The following FSHR variants were observed in gnomAD, a reference collection of about 807,000 sequenced individuals.
FSHR encodes follicle-stimulating hormone receptor.
In FSHR, 46 loss-of-function variants were observed where a neutral mutation model predicts 52.1. That is an observed-to-expected ratio of 0.88 (90% CI 0.70 to 1.13). The LOEUF is 1.13. Among genes scored for constraint, FSHR ranks in the 50% most tolerant of loss-of-function variants. FSHR has a pLI of 0.00. For synonymous variants in FSHR, 399 were observed against 309.6 expected (o/e 1.29, Z -3.03); for missense variants, 964 against 834.6 (o/e 1.16, Z -1.91).
At chr2:48,985,358 C>G (rs1485089833) in intron 6 of FSHR, among the ~76,000 whole-genome samples, 1 of 152,190 alleles carries the variant, frequency 6.6e-6, no homozygotes, top group East Asian at 1.9e-4. Context: ...GACTGAGGAA[C>G]AGAGGAAACA....
At position 49,145,580 on chromosome 2, in the gene FSHR, G is replaced by A. The variant is rs1672841176; in HGVS notation, c.152+8686C>T. On this transcript the variant is annotated intron_variant, in intron 1 of 9. Transcript: ENST00000406846. ...CTCTCACAATCTATGATTTCAGATT[G>A]CACAAAGCAACATGCAATTAGTTGT... 2.0e-5 allele frequency among the ~76,000 whole-genome samples: 3 copies of A among 152,042 alleles called. No homozygotes were observed. In the South Asian group the frequency reaches 6.2e-4, roughly 31 times the overall value.
chr2:49,091,296 G>T (rs559441199), intron 1 of FSHR, among the ~76,000 whole-genome samples: 1 of 151,992 alleles, frequency 6.6e-6, no homozygotes, highest in Non-Finnish European at 1.5e-5. Flanking sequence ...ACGGTATGAG[G>T]TTTAGAACAT....
chr2:49,103,195 T>A (rs1159267443), intron 1 of FSHR, among the ~76,000 whole-genome samples: 1 of 152,084 alleles, frequency 6.6e-6, no homozygotes, highest in African/African-American at 2.4e-5. Context: ...ACGTCCTAGG[T>A]TTGGACATTA....
chr2:49,118,711 A>G (rs1261584875), intron 1 of FSHR, among the ~76,000 whole-genome samples: 1 of 152,212 alleles, frequency 6.6e-6, no homozygotes, highest in Non-Finnish European at 1.5e-5. Context: ...TTATATGCTC[A>G]TTAACATACC....
At chr2:49,103,621 G>C (rs1243792127) in intron 1 of FSHR, among the ~76,000 whole-genome samples, 2 of 152,070 alleles carry the variant, frequency 1.3e-5, no homozygotes, top group African/African-American at 2.4e-5. Context: ...GCCTCTAACG[G>C]CTGGCTCATT....
chr2:48,982,164 C>T (rs550502573), intron 8 of FSHR, among the ~76,000 whole-genome samples: 3 of 152,146 alleles, frequency 2.0e-5, no homozygotes, highest in Admixed American at 1.3e-4. Flanking sequence ...ATGAGAGCCA[C>T]GGGAAGAAGT....
At chr2:49,072,801 A>G (rs990279093) in intron 1 of FSHR, among the ~76,000 whole-genome samples, 3 of 151,752 alleles carry the variant, frequency 2.0e-5, no homozygotes, top group African/African-American at 7.3e-5. Flanking sequence ...CTCGATTTAT[A>G]ATTTCAACAC....
chr2:49,049,100 G>A (rs1363172836), intron 2 of FSHR, among the ~76,000 whole-genome samples: 2 of 151,750 alleles, frequency 1.3e-5, no homozygotes, highest in Non-Finnish European at 2.9e-5. Context: ...CCAGAGCAGA[G>A]CCACAAGGAT....
At chr2:49,121,884 T>A (rs2103781883) in intron 1 of FSHR, among the ~76,000 whole-genome samples, 1 of 152,242 alleles carries the variant, frequency 6.6e-6, no homozygotes, top group African/African-American at 2.4e-5. Context: ...AGGACAAAAA[T>A]AAACAAACAC....
At chr2:48,964,150 C>G (rs943297806) in intron 9 of FSHR, among the ~76,000 whole-genome samples, 184 bp from the exon 10 acceptor site, 2 of 151,618 alleles carry the variant, frequency 1.3e-5, no homozygotes, top group Non-Finnish European at 2.9e-5. Context: ...ATGAATATAA[C>G]AACTTGTATA....
At chr2:49,009,116 G>A (rs2104176236) in intron 4 of FSHR, among the ~76,000 whole-genome samples, 1 of 151,942 alleles carries the variant, frequency 6.6e-6, no homozygotes, top group South Asian at 2.1e-4. Flanking sequence ...CCTATGTCCT[G>A]AATGGTAATG....
chr2:49,076,852 C>G (rs774470013), intron 1 of FSHR, among the ~76,000 whole-genome samples: 1 of 152,182 alleles, frequency 6.6e-6, no homozygotes, highest in Non-Finnish European at 1.5e-5. Flanking sequence ...ACAGTCAAAT[C>G]TTTAAAACTC....
In FSHR at chr2:48,962,661, T is replaced by A; in HGVS notation, c.*72A>T. 6.9e-7 allele frequency: 1 copy of A among 1,452,724 alleles called. No homozygotes were observed. Among genetic ancestry groups the A allele is most frequent in the East Asian group, 2.3e-5 (1 of 43,954 alleles). The allele number at this position is 1,452,724 out of a possible 1,614,324, so 90.0% of individuals were successfully genotyped here. On this transcript the variant is annotated 3_prime_UTR_variant, in exon 10 of 10. Transcript: ENST00000406846. ...TGAAATGTGTAGAAGCACTGTCAGC[T>A]CTTTGTGACATACCCTTCAAAGGCA...
rs577040852 is a variant in FSHR at position 49,109,184 on chromosome 2, G to A, written c.153-40894C>T. On this transcript the variant is annotated intron_variant, in intron 1 of 9. Transcript: ENST00000406846. ...AGAAATTCCCTATCCAGAAAGATGA[G>A]CAGTGTGTTCTAGGCCAAGGGCAAA... Among the ~76,000 whole-genome samples the A allele has an allele frequency of 3.9e-5, 6 of 152,254 alleles. No homozygotes were observed. In the South Asian group the frequency reaches 1.0e-3, roughly 26 times the overall value.
chr2:49,064,173 A>G (rs370492209), intron 2 of FSHR, among the ~76,000 whole-genome samples: 1 of 152,030 alleles, frequency 6.6e-6, no homozygotes, highest in Non-Finnish European at 1.5e-5. Flanking sequence ...AAAATGGATG[A>G]GGGAGAGGGA....
rs549857460 is a variant in FSHR at position 48,996,423 on chromosome 2, C to T, written c.375-5786G>A. Reference sequence around the variant, plus strand: ...TTAGATTCCTATAAGCCTTTGGTGGCAACATTTTTGTCATGGCTTGATCAA... The same window carrying T: ...TTAGATTCCTATAAGCCTTTGGTGGTAACATTTTTGTCATGGCTTGATCAA... On this transcript the variant is annotated intron_variant, in intron 4 of 9. Transcript: ENST00000406846. Among the ~76,000 whole-genome samples, 129 of 152,186 alleles carry T rather than the reference C, an allele frequency of 8.5e-4. 2 individuals carry two copies. The South Asian group carries it at 0.026, about 31-fold the overall frequency.
chr2:49,142,256 A>C (rs1410812159), intron 1 of FSHR, among the ~76,000 whole-genome samples: 2 of 152,198 alleles, frequency 1.3e-5, no homozygotes, highest in African/African-American at 2.4e-5. Context: ...TAGTAAGTTT[A>C]TGTGCTATTA....
rs561853159 is a variant in FSHR, at chr2:49,058,420, G to A, written c.224+9799C>T. ...AAATTAGCCAGGCATGGTGGTGCAT[G>A]CCTGTAGTCCCAGCTACTTGGGAGG... On this transcript the variant is annotated intron_variant, in intron 2 of 9. Coordinates refer to ENST00000406846, the MANE Select transcript of FSHR (RefSeq NM_000145.4). Among the ~76,000 whole-genome samples, 71 of 152,168 alleles carry A rather than the reference G, an allele frequency of 4.7e-4. 1 individual carries two copies. The East Asian group carries it at 0.013, about 28-fold the overall frequency.
At chr2:49,097,523 G>A (rs1001485923) in intron 1 of FSHR, among the ~76,000 whole-genome samples, 9 of 152,184 alleles carry the variant, frequency 5.9e-5, no homozygotes, top group Non-Finnish European at 1.2e-4. Flanking sequence ...TATCTTGGAT[G>A]AACTACTGTG....
Sources: allele counts gnomAD v4.1 joint callset (sites outside exome capture counted in the v4.1 genomes callset), GRCh38; gene constraint gnomAD v4.1.1; transcripts MANE v1.5; gene names NCBI Gene and HGNC (gene_info 2026-07-23, HGNC 2026-07-21).